The following NAV2 variants were observed in gnomAD, a reference collection of about 807,000 sequenced individuals.
NAV2 encodes the protein helicase, APC down-regulated 1.
A neutral mutation model predicts 223.2 loss-of-function variants in NAV2; 54 were observed. The observed-to-expected ratio is 0.24, with a 90% CI of 0.19 to 0.30. The LOEUF (loss-of-function observed/expected upper bound fraction) is 0.30. Among genes scored for constraint, NAV2 ranks in the 10% least tolerant of loss-of-function variants. The pLI, the probability that NAV2 is intolerant of heterozygous loss-of-function variation, is 1.00. For missense variants in NAV2, 2,806 were observed against 3,147.5 expected (o/e 0.89, Z 2.60); for synonymous variants, 1,279 against 1,239.3 (o/e 1.03, Z -0.67).
intron 1 of NAV2, among the ~76,000 whole-genome samples, chr11:19,691,662 G>T (rs2049178698): frequency 6.6e-6 from 1 of 152,134 alleles, no homozygotes; most frequent in Non-Finnish European, 1.5e-5. Context: ...CCGCCTCTCA[G>T]GTTCACACCA....
chr11:19,626,666 G>T (rs564206138), intron 1 of NAV2, among the ~76,000 whole-genome samples: 1 of 152,070 alleles, frequency 6.6e-6, no homozygotes, highest in Non-Finnish European at 1.5e-5. Flanking sequence ...ATGAGTATGG[G>T]ATGTCTTTCC....
intron 36 of NAV2, among the ~76,000 whole-genome samples, chr11:20,113,373 T>C (rs554027860): frequency 8.5e-5 from 13 of 152,316 alleles, no homozygotes; most frequent in South Asian, 2.1e-4. Flanking sequence ...GAGCCTCGTG[T>C]TGGGCCAGTC....
At position 19,964,566 on chromosome 11, in the gene NAV2, G is replaced by A. The variant is rs1162921607; in HGVS notation, c.2645+15486G>A. The stretch of plus-strand genomic sequence containing the variant: ...GCTGGAGTGCAATAGCATGATCATA[G>A]CTCACTGAAACCTCGAATTCCTAGG... On this transcript the variant is annotated intron_variant, in intron 10 of 37. Coordinates refer to ENST00000349880, the MANE Select transcript of NAV2 (RefSeq NM_145117.5). 2.6e-5 allele frequency among the ~76,000 whole-genome samples: 4 copies of A among 151,058 alleles called. No individual in the cohort carries two copies. In the South Asian group the frequency reaches 6.3e-4, roughly 24 times the overall value.
intron 1 of NAV2, among the ~76,000 whole-genome samples, chr11:19,389,008 C>G (rs959588197): frequency 6.6e-6 from 1 of 152,204 alleles, no homozygotes; most frequent in Non-Finnish European, 1.5e-5. Flanking sequence ...CACTATGAGC[C>G]AAGCTCATTT....
chr11:19,651,743 A>G (rs773553820), intron 1 of NAV2, among the ~76,000 whole-genome samples: 2 of 152,220 alleles, frequency 1.3e-5, no homozygotes, highest in African/African-American at 4.8e-5. Flanking sequence ...TATAATTTGA[A>G]TTATTACCAA....
intron 1 of NAV2, among the ~76,000 whole-genome samples, chr11:19,566,701 T>C (rs2045279843): frequency 1.3e-5 from 2 of 152,158 alleles, no homozygotes; most frequent in Non-Finnish European, 2.9e-5. Flanking sequence ...AGAATCCATA[T>C]TTATGAAACA....
chr11:19,409,297 T>C (rs1250149074), intron 1 of NAV2, among the ~76,000 whole-genome samples: 1 of 152,216 alleles, frequency 6.6e-6, no homozygotes, highest in Non-Finnish European at 1.5e-5. Context: ...TTTTATGTGA[T>C]TTTCAGATTT....
At chr11:19,848,296 G>T (rs1487352913) in intron 3 of NAV2, among the ~76,000 whole-genome samples, 2 of 152,184 alleles carry the variant, frequency 1.3e-5, no homozygotes, top group East Asian at 3.9e-4. Flanking sequence ...AGTGATAAAA[G>T]CTGCTATAAG....
intron 1 of NAV2, among the ~76,000 whole-genome samples, chr11:19,424,037 A>T (rs947162374): frequency 6.6e-6 from 1 of 152,172 alleles, no homozygotes; most frequent in African/African-American, 2.4e-5. Flanking sequence ...AGTGAACTGA[A>T]ATGGAGTTGT....
intron 1 of NAV2, among the ~76,000 whole-genome samples, chr11:19,470,435 G>A (rs986148209): frequency 6.6e-6 from 1 of 152,206 alleles, no homozygotes; most frequent in Non-Finnish European, 1.5e-5. Context: ...TACAGTTGTG[G>A]AAGCTCAGAA....
intron 1 of NAV2, among the ~76,000 whole-genome samples, chr11:19,415,506 A>G (rs1272220358): frequency 6.6e-6 from 1 of 152,206 alleles, no homozygotes; most frequent in Non-Finnish European, 1.5e-5. Context: ...GACAAATTCT[A>G]CCAGAGGTAC....
At chr11:19,526,747 T>A (rs1211111958) in intron 1 of NAV2, among the ~76,000 whole-genome samples, 1 of 152,184 alleles carries the variant, frequency 6.6e-6, no homozygotes, top group Admixed American at 6.5e-5. Flanking sequence ...AGGCCACCAC[T>A]GGCTTGGCAA....
At chr11:19,785,055 T>G (rs982396634) in intron 1 of NAV2, among the ~76,000 whole-genome samples, 3 of 152,228 alleles carry the variant, frequency 2.0e-5, no homozygotes, top group African/African-American at 4.8e-5. Context: ...CCTCCATTCA[T>G]TCTTACAGAA....
chr11:19,934,909 G>A (rs899584903), intron 7 of NAV2, among the ~76,000 whole-genome samples: 1 of 152,082 alleles, frequency 6.6e-6, no homozygotes, highest in African/African-American at 2.4e-5. Flanking sequence ...GTCTTTATCT[G>A]TCCCCTAGCC....
intron 1 of NAV2, among the ~76,000 whole-genome samples, chr11:19,420,784 A>G (rs562053216): frequency 6.6e-6 from 1 of 152,336 alleles, no homozygotes. Flanking sequence ...GGCTTCTAGG[A>G]TGAAGTTGAT....
At chr11:20,023,595 T>C (rs1030138642) in intron 11 of NAV2, among the ~76,000 whole-genome samples, 1 of 152,038 alleles carries the variant, frequency 6.6e-6, no homozygotes, top group South Asian at 2.1e-4. Context: ...AAGGGCTGCT[T>C]GTGGTTCAGA....
intron 10 of NAV2, among the ~76,000 whole-genome samples, chr11:19,953,855 G>GCA (rs1565633455): frequency 7.0e-6 from 1 of 143,604 alleles, no homozygotes; most frequent in Admixed American, 7.0e-5. Flanking sequence ...GTGCACGCGC[G>GCA]CGCGTGTGTG....
intron 7 of NAV2, among the ~76,000 whole-genome samples, chr11:19,936,534 T>C (rs914891841): frequency 8.5e-5 from 13 of 152,214 alleles, no homozygotes; most frequent in African/African-American, 1.2e-4. Context: ...TCTGGGTAAC[T>C]AACGTCCTTC....
intron 1 of NAV2, among the ~76,000 whole-genome samples, chr11:19,434,903 T>C (rs1851161767): frequency 6.6e-6 from 1 of 151,482 alleles, no homozygotes; most frequent in African/African-American, 2.4e-5. Flanking sequence ...CAGCCTTTAT[T>C]TTCTCAAAAT....
Sources: gnomAD v4.1 joint callset for allele counts (sites outside exome capture counted in the v4.1 genomes callset) on GRCh38, gnomAD v4.1.1 for gene constraint, MANE v1.5 for transcripts, NCBI Gene and HGNC (gene_info 2026-07-23, HGNC 2026-07-21) for gene names.